Variants in ZNF695 observed in about 807,000 individuals in gnomAD.
The protein encoded by ZNF695 is zinc finger protein SBZF3.
In ZNF695, 11 loss-of-function variants were observed where a neutral mutation model predicts 11.2. The ratio of observed to expected loss-of-function variants is 0.98; its 90% CI spans 0.62 to 1.62. ZNF695 has a LOEUF of 1.62. Among genes scored for constraint, ZNF695 ranks in the 40% most tolerant of loss-of-function variants. ZNF695 has a pLI of 0.00. For synonymous variants in ZNF695, 190 were observed against 201.4 expected, an observed-to-expected ratio of 0.94 and a Z score of 0.48; for missense variants, 559 against 590.5, an observed-to-expected ratio of 0.95 and a Z score of 0.55.
At chr1:246,947,614 G>T (rs186827176) in intron 5 of ZNF695, among the ~76,000 whole-genome samples, 1 of 152,148 alleles carries the variant, frequency 6.6e-6, no homozygotes, top group Admixed American at 6.6e-5. Context: ...ATTGTTTCTG[G>T]GACACTGTGA....
intron 5 of ZNF695, among the ~76,000 whole-genome samples, chr1:246,948,859 A>G (rs948300330): frequency 2.0e-5 from 3 of 152,174 alleles, no homozygotes; most frequent in African/African-American, 7.2e-5. Context: ...CCTCTCCCTA[A>G]GCATCTATTC....
chr1:246,975,463 T>C (rs1248451532), intron 4 of ZNF695, among the ~76,000 whole-genome samples: 1 of 152,230 alleles, frequency 6.6e-6, no homozygotes, highest in African/African-American at 2.4e-5. Context: ...GGAGGAAACA[T>C]ATGAACGCAG....
chr1:246,962,421 C>T (rs547506574), intron 5 of ZNF695, among the ~76,000 whole-genome samples: 1 of 152,370 alleles, frequency 6.6e-6, no homozygotes, highest in South Asian at 2.1e-4. Context: ...TGCTCTGCCT[C>T]ATACCTCACA....
At chr1:246,972,734 G>A (rs1668458208) in intron 4 of ZNF695, among the ~76,000 whole-genome samples, 2 of 151,888 alleles carry the variant, frequency 1.3e-5, no homozygotes, top group Non-Finnish European at 2.9e-5. Flanking sequence ...TGGCCAGGCT[G>A]GTCTTGAACT....
chr1:246,982,349 A>T (rs1668732095), downstream of ZNF695, among the ~76,000 whole-genome samples: 4 of 152,102 alleles, frequency 2.6e-5, no homozygotes, highest in Admixed American at 6.6e-5. Flanking sequence ...CAACACACAC[A>T]TTCAAAAATA....
chr1:246,946,691 T>C (rs887168639), intron 5 of ZNF695, among the ~76,000 whole-genome samples: 1 of 152,230 alleles, frequency 6.6e-6, no homozygotes, highest in Non-Finnish European at 1.5e-5. Flanking sequence ...TCCTAAGAAG[T>C]GTATCTAGAA....
At chr1:246,953,792 G>A (rs1667925244) in intron 5 of ZNF695, among the ~76,000 whole-genome samples, 1 of 151,740 alleles carries the variant, frequency 6.6e-6, no homozygotes, top group Non-Finnish European at 1.5e-5. Flanking sequence ...TGGGCATAGT[G>A]GCAGGCACCT....
intron 1 of ZNF695, among the ~76,000 whole-genome samples, chr1:247,003,900 G>A (rs1427622254): frequency 6.6e-6 from 1 of 152,144 alleles, no homozygotes; most frequent in Non-Finnish European, 1.5e-5. Flanking sequence ...TAAATTCTTA[G>A]TATTTGAATG....
rs190342793 is a variant in ZNF695 at position 246,999,724 on chromosome 1, C to A, written c.166+188G>T. On this transcript the variant is annotated intron_variant, in intron 2 of 3. Transcript: ENST00000339986. ...TACTACTGAATTTCTAGAATTACCA[C>A]CAATCTAGAGCAAGGATATACATCA... is the stretch of plus-strand genomic sequence containing the variant. Among the ~76,000 whole-genome samples the A allele has an allele frequency of 2.0e-5, 3 of 152,242 alleles. No individual in the cohort carries two copies. The East Asian group carries it at 5.8e-4, about 29-fold the overall frequency.
In ZNF695 at chr1:246,994,498, G is replaced by A. The variant is rs539145389; in HGVS notation, c.259+4850C>T. On this transcript the variant is annotated intron_variant, in intron 3 of 3. Transcript: ENST00000339986. ...AGAGGTTGCAGTGAGCCGAGATCAC[G>A]CCACTCCACTCCAGCCTGGGTGACA... Among the ~76,000 whole-genome samples the A allele has an allele frequency of 2.0e-5, 3 of 149,702 alleles. No individual in the cohort carries two copies. In the East Asian group the frequency reaches 6.0e-4, roughly 30 times the overall value.
downstream of ZNF695, among the ~76,000 whole-genome samples, chr1:246,984,906 C>T (rs1270261074): frequency 5.3e-5 from 8 of 152,122 alleles, no homozygotes; most frequent in East Asian, 9.6e-4. Flanking sequence ...GAAAATTATA[C>T]GTTAGCTCTA....
chr1:246,959,793 C>G (rs1668118651), intron 5 of ZNF695, among the ~76,000 whole-genome samples: 1 of 152,170 alleles, frequency 6.6e-6, no homozygotes, highest in Non-Finnish European at 1.5e-5. Context: ...GTGCCACATT[C>G]TGCACCAATG....
intron 4 of ZNF695, among the ~76,000 whole-genome samples, chr1:246,975,927 C>T (rs1476464645): frequency 7.2e-5 from 11 of 151,852 alleles, no homozygotes; most frequent in Admixed American, 1.3e-4. Flanking sequence ...TTCTATTAGG[C>T]GAAGAGAATA....
At chr1:246,970,855 C>T (rs571738512) in intron 4 of ZNF695, among the ~76,000 whole-genome samples, 7 of 152,372 alleles carry the variant, frequency 4.6e-5, no homozygotes, top group East Asian at 3.9e-4. Context: ...CAACCTCCAC[C>T]TCCCGAGTTC....
At chr1:246,975,614 A>G (rs1668537648) in intron 4 of ZNF695, among the ~76,000 whole-genome samples, 1 of 152,256 alleles carries the variant, frequency 6.6e-6, no homozygotes, top group Non-Finnish European at 1.5e-5. Flanking sequence ...TGCTGAGAAC[A>G]TGAAAGTTCA....
chr1:246,956,403 G>A (rs187294291), intron 5 of ZNF695, among the ~76,000 whole-genome samples: 12,553 of 150,590 alleles, frequency 0.083, 928 homozygotes, highest in African/African-American at 0.2. Flanking sequence ...ATCACTTGAG[G>A]TCAGGAGTTT....
At chr1:246,993,153 AATC>A (rs1407012205) in intron 3 of ZNF695, among the ~76,000 whole-genome samples, 2 of 152,226 alleles carry the variant, frequency 1.3e-5, no homozygotes, top group Middle Eastern at 3.2e-3. Context: ...TCACGCCAGT[AATC>A]CTAGCCCTTT....
At chr1:246,995,972 T>C in intron 3 of ZNF695, 1 of 446,480 alleles carries the variant, frequency 2.2e-6, no homozygotes, top group Non-Finnish European at 4.5e-6. Context: ...CCCATATTTA[T>C]TGCAACATTA....
intron 5 of ZNF695, among the ~76,000 whole-genome samples, chr1:246,954,342 T>C (rs1175056524): frequency 1.3e-5 from 2 of 152,218 alleles, no homozygotes; most frequent in East Asian, 3.9e-4. Flanking sequence ...AGGCAATGCC[T>C]GCCAGCTGTT....
Sources: allele counts gnomAD v4.1 joint callset (sites outside exome capture counted in the v4.1 genomes callset), GRCh38; gene constraint gnomAD v4.1.1; transcripts MANE v1.5; gene names NCBI Gene and HGNC (gene_info 2026-07-23, HGNC 2026-07-21).